Variants in GYPC observed in about 807,000 individuals in gnomAD.
GYPC encodes glycophorin-C.
Under a neutral mutation model 12.6 loss-of-function variants are expected in GYPC, and 14 were observed. That is an observed-to-expected ratio of 1.11 (90% confidence interval 0.74 to 1.74). GYPC has a LOEUF of 1.74. Among genes scored for constraint, GYPC ranks in the 40% most tolerant of loss-of-function variants. GYPC has a pLI of 0.00. For synonymous variants in GYPC, 78 were observed against 62.1 expected (o/e 1.26, Z -1.20); for missense variants, 225 against 172.1 (o/e 1.31, Z -1.72).
intron 1 of GYPC, among the ~76,000 whole-genome samples, chr2:126,689,580 G>T (rs1391142506): frequency 4.0e-5 from 6 of 150,810 alleles, no homozygotes; most frequent in Admixed American, 2.6e-4. Flanking sequence ...GGGAGGGAGG[G>T]AGTTCTAGCT....
intron 1 of GYPC, among the ~76,000 whole-genome samples, chr2:126,660,913 C>T (rs1682517898): frequency 6.6e-6 from 1 of 152,166 alleles, no homozygotes; most frequent in Admixed American, 6.5e-5. Flanking sequence ...TTCATATCCA[C>T]TCCCTTCCCC....
At chr2:126,685,965 T>G (rs1683277957) in intron 1 of GYPC, 3 of 985,240 alleles carry the variant, frequency 3.0e-6, no homozygotes, top group Admixed American at 6.2e-5. Context: ...CTTCGAGCCC[T>G]CACCCTGTGC....
At chr2:126,677,734 G>C (rs1275119843) in intron 1 of GYPC, among the ~76,000 whole-genome samples, 1 of 152,126 alleles carries the variant, frequency 6.6e-6, no homozygotes, top group Non-Finnish European at 1.5e-5. Flanking sequence ...TCCGGGAGGG[G>C]TGCTTGGAGT....
chr2:126,690,412 G>A, intron 2 of GYPC, 101 bp downstream of exon 2: 1 of 895,886 alleles, frequency 1.1e-6, no homozygotes, highest in South Asian at 1.4e-5. Context: ...GGGGGACTTG[G>A]TGAAAACATC....
At chr2:126,674,958 TA>T (rs1382981325) in intron 1 of GYPC, among the ~76,000 whole-genome samples, 1 of 152,258 alleles carries the variant, frequency 6.6e-6, no homozygotes, top group Non-Finnish European at 1.5e-5. Context: ...TTTCATTTTT[TA>T]TCTGAAAGTC....
chr2:126,677,515 GAGTCT>G (rs1683035341), intron 1 of GYPC, among the ~76,000 whole-genome samples: 1 of 92,008 alleles, frequency 1.1e-5, no homozygotes, highest in African/African-American at 2.9e-5. Flanking sequence ...GAGTGTGTGT[GAGTCT>G]GTGTGTGTGT....
intron 1 of GYPC, among the ~76,000 whole-genome samples, chr2:126,666,042 G>A (rs1336922924): frequency 6.6e-6 from 1 of 152,178 alleles, no homozygotes; most frequent in East Asian, 1.9e-4. Flanking sequence ...TGAAGAAAAG[G>A]CCTTTCTTTG....
intron 1 of GYPC, among the ~76,000 whole-genome samples, chr2:126,659,723 T>G (rs1434304058): frequency 6.6e-6 from 1 of 152,220 alleles, no homozygotes; most frequent in East Asian, 1.9e-4. Flanking sequence ...GGGGCTTTCC[T>G]GGGTCTCCCC....
intron 1 of GYPC, among the ~76,000 whole-genome samples, chr2:126,682,405 T>C (rs2099734): frequency 0.76 from 114,796 of 151,990 alleles, 43,465 homozygotes; most frequent in Admixed American, 0.77. Flanking sequence ...CCCAAATCCC[T>C]GAACCCAGCA....
chr2:126,659,591 C>T (rs907793171), intron 1 of GYPC, among the ~76,000 whole-genome samples: 4 of 152,014 alleles, frequency 2.6e-5, no homozygotes, highest in Non-Finnish European at 4.4e-5. Context: ...CTTTTGTTAG[C>T]GAAATTTATT....
intron 1 of GYPC, among the ~76,000 whole-genome samples, chr2:126,688,002 A>C (rs1390247025): frequency 4.6e-5 from 7 of 152,182 alleles, no homozygotes; most frequent in African/African-American, 1.7e-4. Flanking sequence ...TCTGACTCTC[A>C]AGGTACAAGC....
chr2:126,684,499 G>A (rs901461307), intron 1 of GYPC, among the ~76,000 whole-genome samples: 4 of 152,012 alleles, frequency 2.6e-5, no homozygotes, highest in Non-Finnish European at 5.9e-5. Flanking sequence ...TACCACACTG[G>A]CATTGCCCAC....
At chr2:126,667,373 C>A (rs965477800) in intron 1 of GYPC, among the ~76,000 whole-genome samples, 3 of 152,010 alleles carry the variant, frequency 2.0e-5, no homozygotes, top group African/African-American at 7.2e-5. Flanking sequence ...ACATGCATTG[C>A]CTATCACATG....
chr2:126,676,701 T>C (rs1683002188), intron 1 of GYPC, among the ~76,000 whole-genome samples: 2 of 152,078 alleles, frequency 1.3e-5, no homozygotes, highest in Admixed American at 1.3e-4. Flanking sequence ...GGTGATGGAT[T>C]GAGACGTATT....
At chr2:126,669,091 G>C (rs1028175230) in intron 1 of GYPC, among the ~76,000 whole-genome samples, 6 of 152,224 alleles carry the variant, frequency 3.9e-5, no homozygotes, top group African/African-American at 1.4e-4. Flanking sequence ...GACCTAGTTA[G>C]ACATAGTCGC....
intron 2 of GYPC, among the ~76,000 whole-genome samples, chr2:126,690,554 G>A (rs552958379): frequency 6.6e-6 from 1 of 152,252 alleles, no homozygotes; most frequent in South Asian, 2.1e-4. Flanking sequence ...TATGTCATAT[G>A]TATCTGTATT....
At chr2:126,659,841 G>A (rs932316959) in intron 1 of GYPC, among the ~76,000 whole-genome samples, 7 of 150,068 alleles carry the variant, frequency 4.7e-5, no homozygotes, top group Admixed American at 2.0e-4. Flanking sequence ...GAGTGCAGTG[G>A]TGTGATCTCA....
At chr2:126,680,217 G>T (rs1482129650) in intron 1 of GYPC, 1 of 152,194 alleles carries the variant, frequency 6.6e-6, no homozygotes, top group Non-Finnish European at 1.5e-5. Flanking sequence ...TTATATCTTG[G>T]AAAAGGAAGC....
intron 1 of GYPC, among the ~76,000 whole-genome samples, chr2:126,677,743 G>C (rs1440417353): frequency 6.6e-6 from 1 of 152,128 alleles, no homozygotes; most frequent in African/African-American, 2.4e-5. Context: ...GGTGCTTGGA[G>C]TTGGGACCCA....
Sources: gnomAD v4.1 joint callset for allele counts (sites outside exome capture counted in the v4.1 genomes callset) on GRCh38, gnomAD v4.1.1 for gene constraint, MANE v1.5 for transcripts, NCBI Gene and HGNC (gene_info 2026-07-23, HGNC 2026-07-21) for gene names.